Variants in ZDHHC2 observed in about 807,000 individuals in gnomAD.
The protein encoded by ZDHHC2 is zDHHC palmitoyltransferase 2.
ZDHHC2 carries 51 observed loss-of-function variants against 55.6 expected under a neutral mutation model. The ratio of observed to expected loss-of-function variants is 0.92; its 90% CI spans 0.73 to 1.16. The LOEUF is 1.16. ZDHHC2 is among the 50% of genes most tolerant of loss of function. ZDHHC2 has a pLI of 0.00. For missense variants in ZDHHC2, 491 were observed against 442.4 expected (o/e 1.11, Z -0.99); for synonymous variants, 199 against 152.9 (o/e 1.30, Z -2.22).
At chr8:17,218,979 G>A (rs1005272137) in intron 12 of ZDHHC2, among the ~76,000 whole-genome samples, 2 of 151,832 alleles carry the variant, frequency 1.3e-5, no homozygotes, top group African/African-American at 2.4e-5. Context: ...GGCCGGGCGC[G>A]GTGGCTCACG....
chr8:17,157,891 A>G (rs1804142997), intron 1 of ZDHHC2, among the ~76,000 whole-genome samples: 1 of 152,202 alleles, frequency 6.6e-6, no homozygotes, highest in African/African-American at 2.4e-5. Flanking sequence ...CAAGCTCAGC[A>G]TTTTCAAAGC....
chr8:17,214,184 TA>T (rs1219216646), intron 10 of ZDHHC2, among the ~76,000 whole-genome samples: 1 of 152,178 alleles, frequency 6.6e-6, no homozygotes, highest in Non-Finnish European at 1.5e-5. Context: ...CTAAGTGAAA[TA>T]TTTTTATGTA....
intron 1 of ZDHHC2, among the ~76,000 whole-genome samples, chr8:17,160,722 T>C (rs1804297610): frequency 6.6e-6 from 1 of 152,238 alleles, no homozygotes; most frequent in Non-Finnish European, 1.5e-5. Flanking sequence ...ATTTTAGAGA[T>C]TTAAAGGGCT....
chr8:17,198,479 T>C, intron 6 of ZDHHC2, 66 bp downstream of exon 6: 1 of 1,432,982 alleles, frequency 7.0e-7, no homozygotes. Flanking sequence ...AAATCACTTA[T>C]CCATGTAAAT....
In ZDHHC2 at chr8:17,222,881, G is replaced by C. The variant is rs1008245323; in HGVS notation, c.*2660G>C. The C allele has an allele frequency of 2.0e-5, 3 of 151,836 alleles. No individual in the cohort carries two copies. Among genetic ancestry groups the C allele is most frequent in the Non-Finnish European group, 4.4e-5 (3 of 67,786 alleles). 9.4% of individuals were successfully genotyped at this position (151,836 alleles called of 1,614,324 possible). A position where few individuals can be genotyped will look rare whatever the true frequency, so the allele number is the denominator to read the frequency against. On this transcript the variant is annotated 3_prime_UTR_variant, in exon 13 of 13. Coordinates refer to ENST00000262096, the MANE Select transcript of ZDHHC2 (RefSeq NM_016353.5). ...CATAACATAGGTCTTGGGAGGGGTG[G>C]TGAGAAAATAAGGTATTTACTTTGT...
At chr8:17,197,340 G>T (rs1806369450) in intron 4 of ZDHHC2, among the ~76,000 whole-genome samples, 1 of 152,138 alleles carries the variant, frequency 6.6e-6, no homozygotes, top group African/African-American at 2.4e-5. Context: ...ACTGACAATT[G>T]AAAAAGCATC....
intron 1 of ZDHHC2, among the ~76,000 whole-genome samples, chr8:17,181,681 C>G (rs1435327756): frequency 6.6e-6 from 1 of 152,036 alleles, no homozygotes; most frequent in African/African-American, 2.4e-5. Flanking sequence ...AACTCAAAAT[C>G]CACATTAAAA....
intron 3 of ZDHHC2, among the ~76,000 whole-genome samples, chr8:17,195,115 A>G (rs1806239551): frequency 1.3e-5 from 2 of 152,160 alleles, no homozygotes. Context: ...GATTTTCTAC[A>G]TTTGTTCTTA....
chr8:17,156,613 C>A lies in ZDHHC2; in HGVS notation c.-111C>A, dbSNP rs576569216. The A allele has an allele frequency of 6.7e-6, 6 of 897,024 alleles. No homozygotes were observed. In the East Asian group the frequency reaches 2.7e-4, roughly 41 times the overall value. The allele number at this position is 897,024 out of a possible 1,614,324, so 55.6% of individuals were successfully genotyped here. On this transcript the variant is annotated 5_prime_UTR_variant, in exon 1 of 13. Coordinates refer to ENST00000262096, the MANE Select transcript of ZDHHC2 (RefSeq NM_016353.5). ...GGCGGCGGCAGTGGCCGCAGCGCAC[C>A]CCGCCGCCGCCCAGGAGCCCGTCCA...
At chr8:17,199,491 TTC>T (rs1563161007) in intron 6 of ZDHHC2, among the ~76,000 whole-genome samples, 383 of 37,342 alleles carry the variant, frequency 0.01, 4 homozygotes, top group African/African-American at 0.02. Flanking sequence ...CTTCTTCTTC[TTC>T]TTCTTCTTCT....
intron 1 of ZDHHC2, among the ~76,000 whole-genome samples, chr8:17,178,477 T>G (rs2517081): frequency 6.6e-6 from 1 of 152,192 alleles, no homozygotes; most frequent in African/African-American, 2.4e-5. Flanking sequence ...ACTTTCTTCA[T>G]AAAAGGCTAA....
intron 10 of ZDHHC2, among the ~76,000 whole-genome samples, chr8:17,214,131 C>A (rs551478334): frequency 1.3e-5 from 2 of 151,978 alleles, no homozygotes; most frequent in Non-Finnish European, 2.9e-5. Flanking sequence ...TATTTCAGAA[C>A]ATTATAAAAC....
intron 12 of ZDHHC2, among the ~76,000 whole-genome samples, chr8:17,219,779 C>CA (rs969866925): frequency 5.9e-5 from 9 of 151,818 alleles, no homozygotes; most frequent in African/African-American, 2.2e-4. Context: ...GGCCCTGTCT[C>CA]AAAAAACAAA....
Position 17,199,558 on chromosome 8 carries a change from C to CGTCTTCGTCTTT in ZDHHC2, c.476+1151_476+1152insGTCTTTGTCTTC, listed in dbSNP as rs1806575468. Among the ~76,000 whole-genome samples, 2 of 80,102 alleles carry CGTCTTCGTCTTT rather than the reference C, an allele frequency of 2.5e-5. 1 individual carries two copies. The highest frequency in any genetic ancestry group is 6.9e-4 in the East Asian group (2 of 2,894). 52.6% of individuals were successfully genotyped at this position (80,102 alleles called of 152,430 possible). A position where few individuals can be genotyped will look rare whatever the true frequency, so the allele number is the denominator to read the frequency against. On this transcript the variant is annotated intron_variant, in intron 6 of 12. Coordinates refer to ENST00000262096, the MANE Select transcript of ZDHHC2 (RefSeq NM_016353.5). ...TGTCTTCGTCTTCTGTCTTCGTCTT[C>CGTCTTCGTCTTT]GTCTTCTTCGTCTTTGTCTTCTTCT...
In ZDHHC2 at chr8:17,212,455, G is replaced by A. The variant is rs146282168; in HGVS notation, c.950+1975G>A. 5.2e-3 allele frequency among the ~76,000 whole-genome samples: 784 copies of A among 152,192 alleles called. 5 individuals carry two copies. The highest frequency in any genetic ancestry group is 0.018 in the African/African-American group (750 of 41,512). ...ACGTGTTCATGCTAGAAACTGTGGG[G>A]TCATCCTGGATTCCTCTCTTTCAAT... is the stretch of plus-strand genomic sequence containing the variant. On this transcript the variant is annotated intron_variant, in intron 10 of 12. Transcript: ENST00000262096.
chr8:17,199,539 C>CT (rs377634777), intron 6 of ZDHHC2, among the ~76,000 whole-genome samples: 16,052 of 66,916 alleles, frequency 0.24, 2,193 homozygotes, highest in East Asian at 0.42. Context: ...CTTCTGTCTT[C>CT]GTCTTCTGTC....
chr8:17,184,144 T>C (rs1805580789), intron 1 of ZDHHC2, among the ~76,000 whole-genome samples: 1 of 152,122 alleles, frequency 6.6e-6, no homozygotes, highest in South Asian at 2.1e-4. Context: ...TCTTGATTAC[T>C]AAATACAACT....
Position 17,184,784 on chromosome 8 carries a change from T to C in ZDHHC2, c.131-5T>C. 1.9e-6 allele frequency: 3 copies of C among 1,550,922 alleles called. No individual in the cohort carries two copies. The highest frequency in any genetic ancestry group is 2.6e-6 in the Non-Finnish European group (3 of 1,146,554). ...GTAACCTATTACCTTTTTTTCTCTT[T>C]ACAGTGTCCATGGAAAACACTGGCG... is the stretch of plus-strand genomic sequence containing the variant. On this transcript the variant is annotated splice_polypyrimidine_tract_variant and splice_region_variant and intron_variant, in intron 1 of 12. Transcript: ENST00000262096.
intron 1 of ZDHHC2, among the ~76,000 whole-genome samples, chr8:17,157,273 T>C (rs1300016723): frequency 6.6e-6 from 1 of 152,156 alleles, no homozygotes; most frequent in Admixed American, 6.5e-5. Context: ...GGTGCTGGCC[T>C]TGGCGGCGGA....
Sources: allele counts gnomAD v4.1 joint callset (sites outside exome capture counted in the v4.1 genomes callset), GRCh38; gene constraint gnomAD v4.1.1; transcripts MANE v1.5; gene names NCBI Gene and HGNC (gene_info 2026-07-23, HGNC 2026-07-21).